HPSE2: variants seen among roughly 807,000 people sequenced by gnomAD.
HPSE2 encodes inactive heparanase-2.
HPSE2 carries 38 observed loss-of-function variants against 60.5 expected under a neutral mutation model. The ratio of observed to expected loss-of-function variants is 0.63; its 90% CI spans 0.48 to 0.82. HPSE2 has a LOEUF of 0.82. HPSE2 is among the 40% of genes least tolerant of loss of function. The pLI, the probability that HPSE2 is intolerant of heterozygous loss-of-function variation, is 0.00. For missense variants in HPSE2, 713 were observed against 740.4 expected, an observed-to-expected ratio of 0.96 and a Z score of 0.43; for synonymous variants, 295 against 293.2, an observed-to-expected ratio of 1.01 and a Z score of -0.06.
At chr10:99,081,882 C>T (rs576225487) in intron 3 of HPSE2, among the ~76,000 whole-genome samples, 24 of 152,202 alleles carry the variant, frequency 1.6e-4, no homozygotes, top group African/African-American at 5.3e-4. Flanking sequence ...GTGATCCGCC[C>T]GCCTGGGCCT....
chr10:98,894,421 A>G (rs567705931), intron 3 of HPSE2, among the ~76,000 whole-genome samples: 15 of 152,292 alleles, frequency 9.8e-5, no homozygotes, highest in African/African-American at 3.6e-4. Flanking sequence ...AAAATGAATC[A>G]AACAGAACTT....
At chr10:98,616,485 T>C (rs1052794017) in intron 8 of HPSE2, among the ~76,000 whole-genome samples, 1 of 152,170 alleles carries the variant, frequency 6.6e-6, no homozygotes, top group Non-Finnish European at 1.5e-5. Context: ...TCTGAAGCCA[T>C]ATGGAGCTCC....
chr10:98,479,160 T>C (rs993830649), intron 11 of HPSE2, among the ~76,000 whole-genome samples: 1 of 152,194 alleles, frequency 6.6e-6, no homozygotes, highest in Admixed American at 6.5e-5. Flanking sequence ...AGAAGTCTTC[T>C]GGCCTCTCCC....
At chr10:99,087,278 A>T (rs764192828) in intron 3 of HPSE2, among the ~76,000 whole-genome samples, 1 of 152,224 alleles carries the variant, frequency 6.6e-6, no homozygotes, top group Non-Finnish European at 1.5e-5. Context: ...CAGTGTTGAC[A>T]TTACCACAGA....
intron 7 of HPSE2, among the ~76,000 whole-genome samples, chr10:98,641,549 T>A (rs1038089599): frequency 2.0e-5 from 3 of 151,856 alleles, no homozygotes; most frequent in Non-Finnish European, 4.4e-5. Context: ...ATCATGCCAC[T>A]GCACTCCAGC....
chr10:98,841,777 T>A (rs140860935), intron 3 of HPSE2, among the ~76,000 whole-genome samples: 1 of 152,280 alleles, frequency 6.6e-6, no homozygotes, highest in East Asian at 1.9e-4. Context: ...GTAAATTTCA[T>A]GACTTTCTGC....
chr10:98,581,610 G>C (rs1282641978), intron 9 of HPSE2, among the ~76,000 whole-genome samples: 2 of 152,194 alleles, frequency 1.3e-5, no homozygotes, highest in Non-Finnish European at 2.9e-5. Context: ...TTATGCAACT[G>C]TGGCATCCCA....
chr10:99,011,971 C>T (rs1957028689), intron 3 of HPSE2, among the ~76,000 whole-genome samples: 1 of 151,882 alleles, frequency 6.6e-6, no homozygotes, highest in African/African-American at 2.4e-5. Context: ...ACTATATTCT[C>T]AGTCCTAAAA....
chr10:99,039,096 C>T (rs1203599553), intron 3 of HPSE2, among the ~76,000 whole-genome samples: 2 of 152,274 alleles, frequency 1.3e-5, no homozygotes, highest in African/African-American at 4.8e-5. Flanking sequence ...TAACTTTATA[C>T]TCTGTGCTCC....
At chr10:98,892,441 GC>G (rs1953361792) in intron 3 of HPSE2, among the ~76,000 whole-genome samples, 1 of 152,128 alleles carries the variant, frequency 6.6e-6, no homozygotes, top group African/African-American at 2.4e-5. Context: ...ACTTAACTCA[GC>G]AAATATTTGT....
chr10:99,286,782 G>A, the HPSE2 span, among the ~76,000 whole-genome samples: 1 of 152,160 alleles, frequency 6.6e-6, no homozygotes, highest in African/African-American at 2.4e-5. Context: ...TTACATTAAT[G>A]TTGATACCAA....
At chr10:99,283,531 T>A in the HPSE2 span, among the ~76,000 whole-genome samples, 56 of 151,308 alleles carry the variant, frequency 3.7e-4, no homozygotes, top group South Asian at 1.5e-3. Context: ...TAAAAAAAAA[T>A]TTTTTTAAAG....
intron 9 of HPSE2, among the ~76,000 whole-genome samples, chr10:98,602,649 A>G (rs888993833): frequency 2.0e-5 from 3 of 152,090 alleles, no homozygotes; most frequent in African/African-American, 7.2e-5. Context: ...CCAGAAATAA[A>G]CCCTTACATA....
intron 3 of HPSE2, among the ~76,000 whole-genome samples, chr10:98,938,862 G>C (rs918786785): frequency 1.4e-5 from 2 of 144,334 alleles, no homozygotes; most frequent in East Asian, 3.9e-4. Flanking sequence ...ACAAAGGGAA[G>C]TCCATCAGAC....
chr10:99,159,244 T>G (rs1455187296), intron 2 of HPSE2, among the ~76,000 whole-genome samples: 1 of 152,052 alleles, frequency 6.6e-6, no homozygotes, highest in East Asian at 1.9e-4. Flanking sequence ...TTAATACAAC[T>G]GAAAAACCTT....
At chr10:98,503,675 T>TAC (rs1458662288) in intron 9 of HPSE2, among the ~76,000 whole-genome samples, 1 of 152,232 alleles carries the variant, frequency 6.6e-6, no homozygotes, top group Non-Finnish European at 1.5e-5. Flanking sequence ...AATGGAATGC[T>TAC]ACTCAGCCAT....
chr10:98,664,291 C>T (rs540232638), intron 6 of HPSE2, among the ~76,000 whole-genome samples: 1 of 152,182 alleles, frequency 6.6e-6, no homozygotes, highest in East Asian at 1.9e-4. Context: ...ACCCCCACTG[C>T]CCAAGCAGGA....
At chr10:99,004,337 CT>C (rs1391657787) in intron 3 of HPSE2, among the ~76,000 whole-genome samples, 4 of 151,626 alleles carry the variant, frequency 2.6e-5, no homozygotes, top group African/African-American at 9.7e-5. Flanking sequence ...AACCTCTTTT[CT>C]TTCTCTCTTG....
intron 3 of HPSE2, among the ~76,000 whole-genome samples, chr10:98,801,555 G>T (rs1950908055): frequency 1.3e-5 from 2 of 151,972 alleles, no homozygotes; most frequent in South Asian, 4.1e-4. Context: ...TATGTCAACA[G>T]TGAACAATAT....
Sources: allele counts gnomAD v4.1 joint callset (sites outside exome capture counted in the v4.1 genomes callset), GRCh38; gene constraint gnomAD v4.1.1; transcripts MANE v1.5; gene names NCBI Gene and HGNC (gene_info 2026-07-23, HGNC 2026-07-21).